The following GLIS3 variants were observed in gnomAD, a reference collection of about 807,000 sequenced individuals.
GLIS3 encodes the protein zinc finger protein GLIS3.
A neutral mutation model predicts 78.6 loss-of-function variants in GLIS3; 53 were observed. The observed-to-expected ratio is 0.67, with a 90% CI of 0.54 to 0.85. The LOEUF (loss-of-function observed/expected upper bound fraction) is 0.85, where lower values mean the gene tolerates loss of function less well. Among genes scored for constraint, GLIS3 ranks in the 40% least tolerant of loss-of-function variants. The pLI, the probability that GLIS3 is intolerant of heterozygous loss-of-function variation, is 0.00. For missense variants in GLIS3, 1,703 were observed against 1,231.1 expected, an observed-to-expected ratio of 1.38 and a Z score of -5.74; for synonymous variants, 684 against 509.9, an observed-to-expected ratio of 1.34 and a Z score of -4.60.
At chr9:4,238,344 G>A (rs1321880481) in intron 2 of GLIS3, among the ~76,000 whole-genome samples, 2 of 152,108 alleles carry the variant, frequency 1.3e-5, no homozygotes, top group Admixed American at 6.5e-5. Context: ...TTGTTTTGGT[G>A]GAGAGGAAGA....
At chr9:4,348,964 T>A (rs1817928142), upstream of GLIS3, among the ~76,000 whole-genome samples, 1 of 152,236 alleles carries the variant, frequency 6.6e-6, no homozygotes, top group Non-Finnish European at 1.5e-5. Flanking sequence ...ATATTACATT[T>A]GTACTCAGCA....
chr9:4,152,140 G>A, intron 2 of GLIS3: 1 of 983,190 alleles, frequency 1.0e-6, no homozygotes, highest in Non-Finnish European at 1.2e-6. Context: ...TTCAGCAGCT[G>A]ATGAAAACTC....
At position 4,138,332 on chromosome 9, in the gene GLIS3, G is replaced by GC. The variant is rs535182094; in HGVS notation, c.389-12392dup. Among the ~76,000 whole-genome samples the GC allele has an allele frequency of 4.6e-5, 7 of 152,302 alleles. No individual in the cohort carries two copies. In the South Asian group the frequency reaches 1.4e-3, roughly 32 times the overall value. On this transcript the variant is annotated intron_variant, in intron 2 of 10. Coordinates refer to ENST00000381971, the MANE Select transcript of GLIS3 (RefSeq NM_001042413.2). ...GGCTTGGTCCTAGGCCGTACAGCTAGCCCTTGGTCAAAGATCTTACAACCA... is the reference window on the plus strand; with the variant it reads ...GGCTTGGTCCTAGGCCGTACAGCTAGCCCCTTGGTCAAAGATCTTACAACCA...
chr9:4,119,714 G>A (rs909210950), intron 3 of GLIS3, among the ~76,000 whole-genome samples: 1 of 152,120 alleles, frequency 6.6e-6, no homozygotes, highest in Admixed American at 6.5e-5. Context: ...ATTGACTTTT[G>A]CAACAATTCC....
intron 2 of GLIS3, among the ~76,000 whole-genome samples, chr9:4,141,765 T>C (rs1055466911): frequency 2.0e-5 from 3 of 152,222 alleles, no homozygotes; most frequent in Admixed American, 6.5e-5. Flanking sequence ...AAATTTGTCA[T>C]TGTATAAAAT....
At chr9:4,148,672 A>G (rs1834419711) in intron 2 of GLIS3, among the ~76,000 whole-genome samples, 1 of 152,136 alleles carries the variant, frequency 6.6e-6, no homozygotes, top group African/African-American at 2.4e-5. Flanking sequence ...TGAACAGGTA[A>G]TGCCCACACC....
chr9:3,913,242 G>C (rs1028582139), intron 6 of GLIS3, among the ~76,000 whole-genome samples: 3 of 152,160 alleles, frequency 2.0e-5, no homozygotes, highest in Admixed American at 1.3e-4. Flanking sequence ...TCATGTGCAG[G>C]AGTATTTGGA....
At chr9:4,374,654 C>T in the GLIS3 span, among the ~76,000 whole-genome samples, 2 of 152,314 alleles carry the variant, frequency 1.3e-5, no homozygotes, top group East Asian at 3.9e-4. Flanking sequence ...TCTTCTCCAC[C>T]AGGAGGAAGA....
chr9:4,403,718 C>G, the GLIS3 span, among the ~76,000 whole-genome samples: 1 of 151,560 alleles, frequency 6.6e-6, no homozygotes, highest in East Asian at 1.9e-4. Context: ...AAAAACATAA[C>G]AAATAAACAC....
At chr9:4,191,245 T>G (rs2064984) in intron 2 of GLIS3, among the ~76,000 whole-genome samples, 152,017 of 152,122 alleles carry the variant, frequency 1, 75,956 homozygotes, top group Non-Finnish European at 1. Flanking sequence ...TGGCAAATTG[T>G]ATGAAGAGTC....
chr9:4,424,048 C>A, the GLIS3 span, among the ~76,000 whole-genome samples: 5 of 152,168 alleles, frequency 3.3e-5, no homozygotes, highest in Non-Finnish European at 7.4e-5. Flanking sequence ...GAAATATTCC[C>A]TAAAATCAAT....
At chr9:3,852,763 C>T (rs1261742136) in intron 9 of GLIS3, among the ~76,000 whole-genome samples, 8 of 152,204 alleles carry the variant, frequency 5.3e-5, no homozygotes, top group African/African-American at 1.4e-4. Context: ...TACAGGGGCA[C>T]GCCCTTTGCA....
intron 4 of GLIS3, among the ~76,000 whole-genome samples, chr9:3,979,477 T>G (rs1819062525): frequency 6.6e-6 from 1 of 152,226 alleles, no homozygotes; most frequent in Non-Finnish European, 1.5e-5. Context: ...GCCATTTCAT[T>G]GCTCTGCACC....
intron 2 of GLIS3, among the ~76,000 whole-genome samples, chr9:4,193,803 C>T (rs182425607): frequency 3.5e-4 from 54 of 152,244 alleles, no homozygotes; most frequent in African/African-American, 8.7e-4. Context: ...CAGGCTGCAC[C>T]GAACCTCCAT....
chr9:4,023,018 C>A (rs1232866770), intron 4 of GLIS3, among the ~76,000 whole-genome samples: 1 of 152,154 alleles, frequency 6.6e-6, no homozygotes, highest in Admixed American at 6.5e-5. Context: ...AGGTACACAG[C>A]TGCAAATCCC....
chr9:4,176,139 A>G (rs963396896), intron 2 of GLIS3, among the ~76,000 whole-genome samples: 1 of 152,190 alleles, frequency 6.6e-6, no homozygotes, highest in African/African-American at 2.4e-5. Context: ...GGATTCTATC[A>G]GAAAATAACC....
the GLIS3 span, among the ~76,000 whole-genome samples, chr9:4,362,330 T>C: frequency 5.3e-5 from 8 of 152,236 alleles, no homozygotes; most frequent in African/African-American, 1.9e-4. Flanking sequence ...TCTCATTCTT[T>C]TTGCTGACTG....
At chr9:4,233,396 C>A (rs1484249268) in intron 2 of GLIS3, among the ~76,000 whole-genome samples, 1 of 152,180 alleles carries the variant, frequency 6.6e-6, no homozygotes, top group Non-Finnish European at 1.5e-5. Context: ...GTTGTGTTAC[C>A]AATCATGAAA....
rs181644952 is a variant in GLIS3 at position 4,294,417 on chromosome 9, G to C, written c.-99+5004C>G. ...CCAACTACTTGGGAGGCTGAGGCAGGAGAATCACTTGAACCCAGGAGGGGG... is the reference window on the plus strand; with the variant it reads ...CCAACTACTTGGGAGGCTGAGGCAGCAGAATCACTTGAACCCAGGAGGGGG... On this transcript the variant is annotated intron_variant, in intron 1 of 10. Transcript: ENST00000381971. Among the ~76,000 whole-genome samples, 340 of 152,142 alleles carry C rather than the reference G, an allele frequency of 2.2e-3. 1 individual carries two copies. Among genetic ancestry groups the C allele is most frequent in the Non-Finnish European group, 4.3e-3 (293 of 68,012 alleles).
Sources: gnomAD v4.1 joint callset for allele counts (sites outside exome capture counted in the v4.1 genomes callset) on GRCh38, gnomAD v4.1.1 for gene constraint, MANE v1.5 for transcripts, NCBI Gene and HGNC (gene_info 2026-07-23, HGNC 2026-07-21) for gene names.